ZSCAN5A: variants seen among roughly 807,000 people sequenced by gnomAD.
ZSCAN5A encodes the protein zinc finger and SCAN domain containing 5A, also known as zinc finger and SCAN domain-containing protein 5A.
A neutral mutation model predicts 23.7 loss-of-function variants in ZSCAN5A; 12 were observed. That is an observed-to-expected ratio of 0.51 (90% CI 0.32 to 0.82). The LOEUF (loss-of-function observed/expected upper bound fraction) is 0.82. Ranked by LOEUF, ZSCAN5A falls within the 40% of genes least tolerant of loss-of-function variation. The pLI is 0.03. For missense variants in ZSCAN5A, 597 were observed against 617.9 expected (o/e 0.97, Z 0.36); for synonymous variants, 257 against 239.9 (o/e 1.07, Z -0.66).
intron 2 of ZSCAN5A, among the ~76,000 whole-genome samples, chr19:56,244,841 C>T (rs112121829): frequency 5.3e-5 from 8 of 150,488 alleles, no homozygotes; most frequent in African/African-American, 9.9e-5. Context: ...TGAACTGAAG[C>T]GGGGCCCAGG....
chr19:56,250,502 T>A (rs1271320164), intron 2 of ZSCAN5A, among the ~76,000 whole-genome samples: 1 of 152,178 alleles, frequency 6.6e-6, no homozygotes, highest in African/African-American at 2.4e-5. Context: ...AGGCTCCAGG[T>A]GAGGCACATG....
chr19:56,337,494 G>A (rs1218652323), intron 2 of ZSCAN5A, among the ~76,000 whole-genome samples: 1 of 152,196 alleles, frequency 6.6e-6, no homozygotes, highest in Non-Finnish European at 1.5e-5. Flanking sequence ...CCCTTTCTTT[G>A]ACTAGGAAAG....
chr19:56,280,120 G>T (rs368763386), intron 2 of ZSCAN5A, among the ~76,000 whole-genome samples: 1 of 152,204 alleles, frequency 6.6e-6, no homozygotes. Context: ...TATGCAAGTA[G>T]AAACAAATGT....
chr19:56,251,148 T>TCAAAAA (rs1555797367), intron 2 of ZSCAN5A, among the ~76,000 whole-genome samples: 2 of 131,050 alleles, frequency 1.5e-5, no homozygotes, highest in African/African-American at 5.8e-5. Context: ...AGACTCCGTG[T>TCAAAAA]AAAAAAAAAA....
At chr19:56,228,300 C>G in intron 2 of ZSCAN5A, 1 of 985,412 alleles carries the variant, frequency 1.0e-6, no homozygotes, top group South Asian at 4.7e-5. Context: ...GATGCGCTCT[C>G]CAACCGGCCT....
chr19:56,299,159 T>C (rs182731282), intron 2 of ZSCAN5A, among the ~76,000 whole-genome samples: 63 of 152,094 alleles, frequency 4.1e-4, no homozygotes, highest in Non-Finnish European at 8.5e-4. Context: ...TGAGACACGG[T>C]CTAGCTTTGT....
chr19:56,300,816 G>GA (rs1403393516), intron 2 of ZSCAN5A, among the ~76,000 whole-genome samples: 2 of 152,064 alleles, frequency 1.3e-5, no homozygotes, highest in Non-Finnish European at 2.9e-5. Context: ...AAAAAAATGA[G>GA]ATTTTCTGAA....
At chr19:56,228,414 G>A in intron 2 of ZSCAN5A, 2 of 985,390 alleles carry the variant, frequency 2.0e-6, no homozygotes, top group Non-Finnish European at 2.4e-6. Flanking sequence ...TCCATTTTAC[G>A]TAATCGGCGT....
At chr19:56,353,490 C>G (rs1278946391) in intron 2 of ZSCAN5A, among the ~76,000 whole-genome samples, 1 of 152,076 alleles carries the variant, frequency 6.6e-6, no homozygotes, top group Non-Finnish European at 1.5e-5. Context: ...GATATTGAGG[C>G]CGGGCGCGGT....
chr19:56,228,328 A>C (rs1284037835), intron 2 of ZSCAN5A: 1 of 985,254 alleles, frequency 1.0e-6, no homozygotes, highest in Non-Finnish European at 1.2e-6. Context: ...AACTGCGTCT[A>C]TTTATGGAGA....
intron 2 of ZSCAN5A, among the ~76,000 whole-genome samples, chr19:56,308,665 T>C (rs2040854351): frequency 6.6e-6 from 1 of 150,612 alleles, no homozygotes; most frequent in Non-Finnish European, 1.5e-5. Flanking sequence ...ATCACATTTT[T>C]TTTCCCGCTC....
At chr19:56,272,062 A>G (rs2041125438) in intron 2 of ZSCAN5A, among the ~76,000 whole-genome samples, 1 of 152,248 alleles carries the variant, frequency 6.6e-6, no homozygotes, top group Admixed American at 6.5e-5. Flanking sequence ...TCCCAACTTT[A>G]TAGATCAAGA....
At chr19:56,285,826 T>C (rs2039074531) in intron 2 of ZSCAN5A, among the ~76,000 whole-genome samples, 1 of 152,168 alleles carries the variant, frequency 6.6e-6, no homozygotes. Context: ...AGCGCTATAA[T>C]GGAAATCCTT....
At chr19:56,281,324 T>A (rs1300800330) in intron 2 of ZSCAN5A, among the ~76,000 whole-genome samples, 1 of 151,174 alleles carries the variant, frequency 6.6e-6, no homozygotes, top group Non-Finnish European at 1.5e-5. Flanking sequence ...ACCATGTAGT[T>A]CAAACCTGTA....
At chr19:56,320,363 C>A (rs2041362076) in intron 2 of ZSCAN5A, 1 of 346,804 alleles carries the variant, frequency 2.9e-6, no homozygotes, top group Non-Finnish European at 5.5e-6. Flanking sequence ...CCAATCTCTA[C>A]TAAAAATACA....
intron 2 of ZSCAN5A, among the ~76,000 whole-genome samples, chr19:56,302,381 T>C (rs1382470956): frequency 6.5e-5 from 9 of 139,352 alleles, no homozygotes; most frequent in Middle Eastern, 3.6e-3. Flanking sequence ...TTCCTCCTTC[T>C]CTCTCCTCCC....
intron 2 of ZSCAN5A, among the ~76,000 whole-genome samples, chr19:56,251,689 T>A (rs1174537242): frequency 1.3e-5 from 2 of 152,132 alleles, no homozygotes; most frequent in Admixed American, 1.3e-4. Flanking sequence ...TTAAGTGAAA[T>A]AAGCCAGTCC....
intron 2 of ZSCAN5A, among the ~76,000 whole-genome samples, chr19:56,292,369 C>A (rs770466184): frequency 6.6e-6 from 1 of 152,094 alleles, no homozygotes; most frequent in Non-Finnish European, 1.5e-5. Context: ...CTCAAGCGAT[C>A]CTTCTTTCTT....
chr19:56,247,125 C>T lies in ZSCAN5A; in HGVS notation c.-127-21952G>A, dbSNP rs778136076. Reference sequence around the variant, plus strand: ...AGCTAGCCATCCACATGAGATCACACACAGGAGAGAGACCCTTTCAATGTA... The same window carrying T: ...AGCTAGCCATCCACATGAGATCACATACAGGAGAGAGACCCTTTCAATGTA... On this transcript the variant is annotated intron_variant, in intron 2 of 5. Coordinates refer to ENST00000683990, the MANE Select transcript of ZSCAN5A (RefSeq NM_001322064.3). 1.3e-5 allele frequency: 9 copies of T among 682,754 alleles called. No homozygotes were observed. The East Asian group carries it at 2.2e-4, about 17-fold the overall frequency. 42.3% of individuals were successfully genotyped at this position (682,754 alleles called of 1,614,324 possible).
Sources: gnomAD v4.1 joint callset for allele counts (sites outside exome capture counted in the v4.1 genomes callset) on GRCh38, gnomAD v4.1.1 for gene constraint, MANE v1.5 for transcripts, NCBI Gene and HGNC (gene_info 2026-07-23, HGNC 2026-07-21) for gene names.